CAMTA1: variants seen among roughly 807,000 people sequenced by gnomAD.
The protein encoded by CAMTA1 is calmodulin binding transcription activator 1, also known as calmodulin-binding transcription activator 1.
A neutral mutation model predicts 170.9 loss-of-function variants in CAMTA1; 27 were observed. That is an observed-to-expected ratio of 0.16 (90% CI 0.12 to 0.22). The LOEUF (loss-of-function observed/expected upper bound fraction) is 0.22. Among genes scored for constraint, CAMTA1 ranks in the 10% least tolerant of loss-of-function variants. The pLI is 1.00. For missense variants in CAMTA1, 1,619 were observed against 2,217.2 expected (o/e 0.73, Z 5.42); for synonymous variants, 833 against 891.5 (o/e 0.93, Z 1.17).
At chr1:7,118,389 C>T (rs931915349) in intron 4 of CAMTA1, among the ~76,000 whole-genome samples, 1 of 148,750 alleles carries the variant, frequency 6.7e-6, no homozygotes, top group Non-Finnish European at 1.5e-5. Context: ...ATCTCCTGGG[C>T]TCAAGTGAGT....
chr1:7,141,265 C>T (rs138532952), intron 4 of CAMTA1, among the ~76,000 whole-genome samples: 36 of 152,242 alleles, frequency 2.4e-4, no homozygotes, highest in African/African-American at 7.9e-4. Context: ...CAGGTGTGAC[C>T]GGCTTCAGAA....
Position 7,701,709 on chromosome 1 carries a change from C to A in CAMTA1, c.2914+23976C>A, listed in dbSNP as rs1455361326. On this transcript the variant is annotated intron_variant, in intron 11 of 22. Transcript: ENST00000303635. ...GTACTGGGATTACAGGTGTGAGCCA[C>A]CGTGCCCGGCTGTATCTGCTTTAAA... Among the ~76,000 whole-genome samples the A allele has an allele frequency of 3.3e-5, 5 of 152,194 alleles. 1 individual carries two copies. Among genetic ancestry groups the A allele is most frequent in the Admixed American group, 6.5e-5 (1 of 15,278 alleles).
intron 7 of CAMTA1, among the ~76,000 whole-genome samples, chr1:7,652,769 C>T (rs1271360285): frequency 6.6e-6 from 1 of 152,202 alleles, no homozygotes; most frequent in Non-Finnish European, 1.5e-5. Context: ...CCTCTGCCCA[C>T]CACCGAGCTG....
intron 5 of CAMTA1, among the ~76,000 whole-genome samples, chr1:7,453,713 T>C (rs2092884644): frequency 6.6e-6 from 1 of 152,186 alleles, no homozygotes; most frequent in Non-Finnish European, 1.5e-5. Flanking sequence ...CCCTGCTCTC[T>C]CCTCAGTAGG....
At chr1:6,851,466 G>T (rs919505362) in intron 3 of CAMTA1, among the ~76,000 whole-genome samples, 3 of 152,170 alleles carry the variant, frequency 2.0e-5, no homozygotes, top group African/African-American at 7.2e-5. Context: ...GGAAGGAGGA[G>T]TGCTGCAGAA....
At position 7,680,671 on chromosome 1, in the gene CAMTA1, C is replaced by G. The variant is rs1006322565; in HGVS notation, c.2914+2938C>G. Reference sequence around the variant, plus strand: ...GGTGGGCGGCGAGCCCTGGCTCCCTCGTTCGGTGGCCTCTGCTGCATGTGG... The same window carrying G: ...GGTGGGCGGCGAGCCCTGGCTCCCTGGTTCGGTGGCCTCTGCTGCATGTGG... On this transcript the variant is annotated intron_variant, in intron 11 of 22. Coordinates refer to ENST00000303635, the MANE Select transcript of CAMTA1 (RefSeq NM_015215.4). The surrounding 1 kb of genome is among the most constrained non-coding windows in gnomAD (Gnocchi z 4.4). Among the ~76,000 whole-genome samples, 3 of 152,156 alleles carry G rather than the reference C, an allele frequency of 2.0e-5. No homozygotes were observed. Among genetic ancestry groups the G allele is most frequent in the South Asian group, 2.1e-4 (1 of 4,832 alleles).
intron 11 of CAMTA1, among the ~76,000 whole-genome samples, chr1:7,704,533 G>A (rs1051512980): frequency 4.1e-5 from 6 of 148,126 alleles, no homozygotes; most frequent in African/African-American, 1.5e-4. Flanking sequence ...CCGCCGTCCA[G>A]CGCGGCTCGG....
chr1:7,102,920 G>A (rs1372927652), intron 4 of CAMTA1, among the ~76,000 whole-genome samples: 3 of 152,132 alleles, frequency 2.0e-5, no homozygotes, highest in Non-Finnish European at 2.9e-5. Context: ...CTCTTTACTC[G>A]GTGAATACCT....
intron 6 of CAMTA1, among the ~76,000 whole-genome samples, chr1:7,548,687 G>C (rs537983199): frequency 1.1e-5 from 1 of 88,042 alleles, no homozygotes; most frequent in African/African-American, 3.3e-5. Flanking sequence ...CATGGAAGGT[G>C]CCCCCTTAGG....
chr1:7,204,164 G>T (rs550666909), intron 4 of CAMTA1, among the ~76,000 whole-genome samples: 21 of 151,932 alleles, frequency 1.4e-4, no homozygotes, highest in African/African-American at 4.1e-4. Flanking sequence ...CTATTCTCAC[G>T]TCATTAACTT....
intron 3 of CAMTA1, among the ~76,000 whole-genome samples, chr1:6,898,857 G>A (rs1300825008): frequency 6.6e-6 from 1 of 152,172 alleles, no homozygotes; most frequent in East Asian, 1.9e-4. Context: ...CAAACAGGTA[G>A]CTGGCCAACA....
intron 5 of CAMTA1, among the ~76,000 whole-genome samples, chr1:7,305,564 G>T (rs1204994489): frequency 6.6e-6 from 1 of 151,862 alleles, no homozygotes; most frequent in Non-Finnish European, 1.5e-5. Flanking sequence ...CTTTCATTCT[G>T]CTCAACGTTG....
chr1:6,986,519 G>A (rs1005986140), intron 3 of CAMTA1, among the ~76,000 whole-genome samples: 4 of 152,108 alleles, frequency 2.6e-5, no homozygotes, highest in Admixed American at 2.6e-4. Context: ...GCCAGTGCCC[G>A]CCCTGGAGGG....
At position 7,680,894 on chromosome 1, in the gene CAMTA1, A is replaced by C. The variant is rs1387599761; in HGVS notation, c.2914+3161A>C. ...AGCAGCAGCAGCAGCTGCTGCGGCGAAGTCTTTGTCCCCGCGGCGCAGCCT... is the reference window on the plus strand; with the variant it reads ...AGCAGCAGCAGCAGCTGCTGCGGCGCAGTCTTTGTCCCCGCGGCGCAGCCT... On this transcript the variant is annotated intron_variant, in intron 11 of 22. Transcript: ENST00000303635. This position sits in a 1 kb window ranked among gnomAD's most constrained non-coding sequence, Gnocchi z 4.4. 1.1e-4 allele frequency among the ~76,000 whole-genome samples: 14 copies of C among 131,682 alleles called. No individual in the cohort carries two copies. Among genetic ancestry groups the C allele is most frequent in the Non-Finnish European group, 2.3e-4 (13 of 57,048 alleles). 86.4% of individuals were successfully genotyped at this position (131,682 alleles called of 152,430 possible).
chr1:7,382,814 ATACT>A (rs2087483044), intron 5 of CAMTA1: 1 of 149,544 alleles, frequency 6.7e-6, no homozygotes. Flanking sequence ...GCCTAGATAG[ATACT>A]TGCTTCCTAG....
At chr1:7,581,036 C>T (rs1287988190) in intron 6 of CAMTA1, among the ~76,000 whole-genome samples, 3 of 152,232 alleles carry the variant, frequency 2.0e-5, no homozygotes, top group Non-Finnish European at 4.4e-5. Context: ...TTTGATAACT[C>T]GGTGCCAGGG....
intron 12 of CAMTA1, among the ~76,000 whole-genome samples, chr1:7,733,631 G>T (rs2096749914): frequency 2.0e-5 from 3 of 151,920 alleles, no homozygotes; most frequent in Admixed American, 6.6e-5. Context: ...TAAATTTAAA[G>T]GAACTGATGG....
rs548041542 is a variant in CAMTA1 at position 6,792,292 on chromosome 1, G to A, written c.45+6717G>A. Among the ~76,000 whole-genome samples, 3 of 151,596 alleles carry A rather than the reference G, an allele frequency of 2.0e-5. No homozygotes were observed. The East Asian group carries it at 5.8e-4, about 29-fold the overall frequency. The stretch of plus-strand genomic sequence containing the variant: ...TCCTTGTATAAATTGACAATGGAGA[G>A]CAGTTCACGTGATGGGACAAAGTAA... On this transcript the variant is annotated intron_variant, in intron 1 of 22. Coordinates refer to ENST00000303635, the MANE Select transcript of CAMTA1 (RefSeq NM_015215.4).
intron 6 of CAMTA1, among the ~76,000 whole-genome samples, chr1:7,527,661 G>A (rs144178820): frequency 2.6e-5 from 4 of 152,316 alleles, no homozygotes; most frequent in East Asian, 1.9e-4. Flanking sequence ...AATGCTCATC[G>A]GGCACAGCCC....
Sources: allele counts gnomAD v4.1 joint callset (sites outside exome capture counted in the v4.1 genomes callset), GRCh38; gene constraint gnomAD v4.1.1; non-coding constraint Gnocchi (gnomAD v3.1); transcripts MANE v1.5; gene names NCBI Gene and HGNC (gene_info 2026-07-23, HGNC 2026-07-21).